GALNT5: variants seen among roughly 807,000 people sequenced by gnomAD.
GALNT5 encodes polypeptide N-acetylgalactosaminyltransferase 5.
In GALNT5, 72 loss-of-function variants were observed where a neutral mutation model predicts 85.4. That is an observed-to-expected ratio of 0.84 (90% CI 0.70 to 1.03). GALNT5 has a LOEUF of 1.03. Among genes scored for constraint, GALNT5 ranks in the 50% least tolerant of loss-of-function variants. The pLI, the probability that GALNT5 is intolerant of heterozygous loss-of-function variation, is 0.00. For synonymous variants in GALNT5, 404 were observed against 397.0 expected, an observed-to-expected ratio of 1.02 and a Z score of -0.21; for missense variants, 1,137 against 1,135.5, an observed-to-expected ratio of 1.00 and a Z score of -0.02.
At chr2:157,281,842 A>G (rs1006595983) in intron 1 of GALNT5, among the ~76,000 whole-genome samples, 2 of 152,228 alleles carry the variant, frequency 1.3e-5, no homozygotes, top group Non-Finnish European at 2.9e-5. Context: ...GAACTTGCCA[A>G]TGATGAAATC....
intron 3 of GALNT5, among the ~76,000 whole-genome samples, chr2:157,292,605 C>G (rs1447191689): frequency 6.6e-6 from 1 of 152,104 alleles, no homozygotes; most frequent in Non-Finnish European, 1.5e-5. Flanking sequence ...ATAATCCAGG[C>G]CCCTTTGACT....
chr2:157,274,229 C>T lies in GALNT5; in HGVS notation c.1455-10053C>T, dbSNP rs140084908. Among the ~76,000 whole-genome samples, 1,080 of 152,294 alleles carry T rather than the reference C, an allele frequency of 7.1e-3. 10 individuals are homozygous for T. The highest frequency in any genetic ancestry group is 0.02 in the African/African-American group (836 of 41,550). On this transcript the variant is annotated intron_variant, in intron 1 of 9. Transcript: ENST00000259056. ...CTTAATCCATTCTATCATTGATGGA[C>T]ATTTAGGTTGGTTCCAAGTCTTTAC...
chr2:157,296,743 A>C (rs147872849), intron 5 of GALNT5, among the ~76,000 whole-genome samples: 121 of 152,330 alleles, frequency 7.9e-4, no homozygotes, highest in South Asian at 1.4e-3. Flanking sequence ...AAAATTCACT[A>C]ATGCTATCCT....
At chr2:157,264,170 C>CACAT (rs1370239560) in intron 1 of GALNT5, among the ~76,000 whole-genome samples, 5 of 129,196 alleles carry the variant, frequency 3.9e-5, no homozygotes, top group Non-Finnish European at 7.6e-5. Flanking sequence ...ACAATCAACA[C>CACAT]ACATACACAC....
intron 3 of GALNT5, among the ~76,000 whole-genome samples, chr2:157,294,668 C>A (rs1041568529): frequency 1.3e-5 from 2 of 152,018 alleles, no homozygotes; most frequent in Admixed American, 1.3e-4. Flanking sequence ...CCATGAGCCC[C>A]AGTAGGTAGA....
chr2:157,300,810 G>T lies in GALNT5; in HGVS notation c.2250G>T (p.Glu750Asp), dbSNP rs1430549199. 1.9e-6 allele frequency: 3 copies of T among 1,614,082 alleles called. No homozygotes were observed. The highest frequency in any genetic ancestry group is 2.5e-6 in the Non-Finnish European group (3 of 1,180,018). ...AGCGGAACTTGGTGCGGGTTGCCGA[G>T]GTCTGGCTGGATGAGTATAAGGAGC... Reference protein sequence around the residue: ...TVERNLVRVAEVWLDEYKELF... With the variant: ...TVERNLVRVADVWLDEYKELF... Residue 750 changes from glutamate (E) to aspartate (D), a missense_variant, in exon 7 of 10, where the codon GAG becomes GAT. Coordinates refer to ENST00000259056, the MANE Select transcript of GALNT5 (RefSeq NM_014568.3).
intron 7 of GALNT5, 133 bp from the exon 8 acceptor site, chr2:157,305,616 A>G: frequency 3.4e-6 from 2 of 594,106 alleles, no homozygotes; most frequent in African/African-American, 1.9e-5. Context: ...AAAACTGGAT[A>G]GTGCTAAGTA....
chr2:157,263,017 C>G (rs1287097533), intron 1 of GALNT5, among the ~76,000 whole-genome samples: 1 of 151,090 alleles, frequency 6.6e-6, no homozygotes, highest in African/African-American at 2.5e-5. Flanking sequence ...TTAGTAGAGA[C>G]GGGGTTTCAC....
At chr2:157,283,337 C>T (rs1033647409) in intron 1 of GALNT5, among the ~76,000 whole-genome samples, 3 of 152,118 alleles carry the variant, frequency 2.0e-5, no homozygotes, top group Non-Finnish European at 4.4e-5. Flanking sequence ...TTGTGAGGTT[C>T]CACTGGGCAC....
intron 1 of GALNT5, among the ~76,000 whole-genome samples, chr2:157,283,818 C>T (rs746753554): frequency 1.3e-5 from 2 of 152,098 alleles, no homozygotes; most frequent in African/African-American, 2.4e-5. Flanking sequence ...TATCACTAGG[C>T]TACAAAACTC....
At chr2:157,262,001 A>G (rs1323298153) in intron 1 of GALNT5, among the ~76,000 whole-genome samples, 1 of 152,082 alleles carries the variant, frequency 6.6e-6, no homozygotes, top group East Asian at 1.9e-4. Context: ...TGAAAGAAAG[A>G]GAGAGAGAAA....
intron 1 of GALNT5, among the ~76,000 whole-genome samples, chr2:157,280,944 A>G (rs1204475788): frequency 1.3e-5 from 2 of 152,198 alleles, no homozygotes; most frequent in Non-Finnish European, 1.5e-5. Context: ...AAGCTCCCTG[A>G]GGCCTCACCA....
Position 157,278,100 on chromosome 2 carries a change from T to A in GALNT5, c.1455-6182T>A, listed in dbSNP as rs923432953. 5.3e-5 allele frequency among the ~76,000 whole-genome samples: 8 copies of A among 152,364 alleles called. No individual in the cohort carries two copies. The East Asian group carries it at 1.5e-3, about 29-fold the overall frequency. ...TCATGAAGCTTAGTTTGGCTGGATATGAAATTCTGGGTTGAAAGTTCTTTT... is the reference window on the plus strand; with the variant it reads ...TCATGAAGCTTAGTTTGGCTGGATAAGAAATTCTGGGTTGAAAGTTCTTTT... On this transcript the variant is annotated intron_variant, in intron 1 of 9. Coordinates refer to ENST00000259056, the MANE Select transcript of GALNT5 (RefSeq NM_014568.3).
chr2:157,261,908 A>G (rs1327289500), intron 1 of GALNT5, among the ~76,000 whole-genome samples: 1 of 152,156 alleles, frequency 6.6e-6, no homozygotes, highest in African/African-American at 2.4e-5. Flanking sequence ...GCATGCAATA[A>G]GATTTTTTAA....
intron 1 of GALNT5, among the ~76,000 whole-genome samples, chr2:157,275,331 A>G (rs930667851): frequency 5.9e-5 from 9 of 152,162 alleles, no homozygotes; most frequent in South Asian, 4.1e-4. Context: ...TTGGTTCCAT[A>G]TGAACTTTAA....
At chr2:157,288,881 G>A (rs1683032205) in intron 3 of GALNT5, among the ~76,000 whole-genome samples, 1 of 152,144 alleles carries the variant, frequency 6.6e-6, no homozygotes. Flanking sequence ...CATAGATTGT[G>A]CACATGGAAC....
intron 1 of GALNT5, among the ~76,000 whole-genome samples, 193 bp downstream of exon 1, chr2:157,259,729 T>C (rs578208986): frequency 6.6e-6 from 1 of 152,352 alleles, no homozygotes; most frequent in Admixed American, 6.5e-5. Context: ...TGCAGAGTTC[T>C]TGTTCTCTGA....
intron 8 of GALNT5, among the ~76,000 whole-genome samples, 180 bp downstream of exon 8, chr2:157,306,009 T>A (rs3816595): frequency 1.3e-4 from 20 of 152,164 alleles, no homozygotes; most frequent in Admixed American, 5.2e-4. Context: ...GTGTGGGTCC[T>A]GCAGTCAACT....
chr2:157,264,573 T>C (rs1188475872), intron 1 of GALNT5, among the ~76,000 whole-genome samples: 1 of 151,956 alleles, frequency 6.6e-6, no homozygotes, highest in Admixed American at 6.5e-5. Context: ...ATAATTTGAT[T>C]CCTTCCTACA....
Sources: allele counts gnomAD v4.1 joint callset (sites outside exome capture counted in the v4.1 genomes callset), GRCh38; gene constraint gnomAD v4.1.1; transcripts MANE v1.5; gene names NCBI Gene and HGNC (gene_info 2026-07-23, HGNC 2026-07-21).